KCNT1: variants seen among roughly 807,000 people sequenced by gnomAD.
KCNT1 encodes potassium channel subfamily T member 1.
Under a neutral mutation model 147.8 loss-of-function variants are expected in KCNT1, and 78 were observed. The ratio of observed to expected loss-of-function variants is 0.53; its 90% confidence interval spans 0.44 to 0.64. KCNT1 has a LOEUF of 0.64. Among genes scored for constraint, KCNT1 ranks in the 30% least tolerant of loss-of-function variants. The pLI, the probability that KCNT1 is intolerant of heterozygous loss-of-function variation, is 0.00. For synonymous variants in KCNT1, 867 were observed against 748.8 expected, an observed-to-expected ratio of 1.16 and a Z score of -2.58; for missense variants, 1,419 against 1,750.3, an observed-to-expected ratio of 0.81 and a Z score of 3.38.
chr9:135,750,684 G>GTA, intron 3 of KCNT1: 1 of 572,090 alleles, frequency 1.7e-6, no homozygotes, highest in Non-Finnish European at 3.1e-6. Flanking sequence ...TCCAAGAAGT[G>GTA]GAGTGGCCTC....
chr9:135,738,380 G>T (rs1405432750), intron 2 of KCNT1, among the ~76,000 whole-genome samples: 1 of 152,220 alleles, frequency 6.6e-6, no homozygotes, highest in Non-Finnish European at 1.5e-5. Context: ...CAGGGCTCGC[G>T]CTGAGATGAG....
intron 11 of KCNT1, among the ~76,000 whole-genome samples, chr9:135,761,853 A>T (rs945134188): frequency 2.0e-5 from 3 of 152,198 alleles, no homozygotes; most frequent in Non-Finnish European, 4.4e-5. Context: ...CGGCCCAGCC[A>T]CACGCAGCTC....
chr9:135,707,486 A>G (rs866306042), intron 1 of KCNT1, among the ~76,000 whole-genome samples: 32 of 152,236 alleles, frequency 2.1e-4, no homozygotes, highest in African/African-American at 7.7e-4. Flanking sequence ...CAGCAGCCAC[A>G]GCGTGGCCGG....
rs1208266128 is a variant in KCNT1 at position 135,730,679 on chromosome 9, A to T, written c.254+15959A>T. Among the ~76,000 whole-genome samples the T allele has an allele frequency of 6.6e-6, 1 of 152,084 alleles. No individual in the cohort carries two copies. Among genetic ancestry groups the T allele is most frequent in the African/African-American group, 2.4e-5 (1 of 41,398 alleles). On this transcript the variant is annotated intron_variant, in intron 2 of 30. Coordinates refer to ENST00000371757, the MANE Select transcript of KCNT1 (RefSeq NM_020822.3). This position sits in a 1 kb window ranked among gnomAD's most constrained non-coding sequence, Gnocchi z 4.7. ...AGGCTTGGGATTTCGGACCTCCGGG[A>T]TGGTGTGCTTAAAACACTTGTGTTG...
At chr9:135,724,404 C>A (rs918396998) in intron 2 of KCNT1, among the ~76,000 whole-genome samples, 3 of 152,250 alleles carry the variant, frequency 2.0e-5, no homozygotes, top group African/African-American at 7.2e-5. Flanking sequence ...CCAACGGGGG[C>A]AGGCACAGCC....
intron 24 of KCNT1, among the ~76,000 whole-genome samples, chr9:135,782,933 T>A (rs1833718268): frequency 6.6e-6 from 1 of 152,302 alleles, no homozygotes; most frequent in South Asian, 2.1e-4. Flanking sequence ...CGGCCACTGA[T>A]GAGTAAGGGC....
chr9:135,704,917 C>T (rs1431496247), intron 1 of KCNT1, among the ~76,000 whole-genome samples: 1 of 152,234 alleles, frequency 6.6e-6, no homozygotes, highest in Non-Finnish European at 1.5e-5. Context: ...CAGGGGTCTG[C>T]TGTGGCCCAG....
chr9:135,777,866 C>T (rs1833286782), intron 21 of KCNT1, among the ~76,000 whole-genome samples: 1 of 151,224 alleles, frequency 6.6e-6, no homozygotes, highest in African/African-American at 2.4e-5. Context: ...CCCAGCTCCT[C>T]CCCACTCCCA....
intron 2 of KCNT1, among the ~76,000 whole-genome samples, chr9:135,734,243 C>A (rs1443188840): frequency 6.6e-6 from 1 of 152,196 alleles, no homozygotes; most frequent in Non-Finnish European, 1.5e-5. Flanking sequence ...GCTGGGGACA[C>A]CTCAAGGCTC....
At chr9:135,766,630 GGACCCTCTGGGGTGGATTGTCTGGGGTA>G (rs1452405104) in intron 13 of KCNT1, 3 of 152,886 alleles carry the variant, frequency 2.0e-5, no homozygotes, top group Non-Finnish European at 4.4e-5. Context: ...TGTCTGGGGT[GGACCCTCTGGGGTGGATTGTCTGGGGTA>G]GACTGTCCGG....
chr9:135,750,488 G>A lies in KCNT1; in HGVS notation c.334+311G>A, dbSNP rs570881250. On this transcript the variant is annotated intron_variant, in intron 3 of 30. Coordinates refer to ENST00000371757, the MANE Select transcript of KCNT1 (RefSeq NM_020822.3). Reference sequence around the variant, plus strand: ...CAGGACCATCCATAGGTGCCAGCAAGGTCTCCCCTGTGGCCACGCCCTGCC... The same window carrying A: ...CAGGACCATCCATAGGTGCCAGCAAAGTCTCCCCTGTGGCCACGCCCTGCC... The A allele has an allele frequency of 6.1e-6, 3 of 495,610 alleles. No individual in the cohort carries two copies. In the East Asian group the frequency reaches 1.1e-4, roughly 18 times the overall value. The allele number at this position is 495,610 out of a possible 1,614,324, so 30.7% of individuals were successfully genotyped here.
rs367727105 is a variant in KCNT1 at position 135,786,533 on chromosome 9, C to G, written c.3502+12C>G. On this transcript the variant is annotated intron_variant, in intron 29 of 30. Transcript: ENST00000371757. ...CACCACCGGCTACGGTAAGGGCACA[C>G]GGCGCGGGTGGGGGCCGGACGGACG... 1.3e-6 allele frequency: 2 copies of G among 1,575,516 alleles called. No homozygotes were observed. The highest frequency in any genetic ancestry group is 3.8e-5 in the Admixed American group (2 of 52,176).
rs539313482 is a variant in KCNT1 at position 135,757,414 on chromosome 9, G to C, written c.759+33G>C. Reference sequence around the variant, plus strand: ...GGGGCGGGGGGTGCAGCTGGGACTTGGGGGGGCCACCCTCAGCCTCACCGG... The same window carrying C: ...GGGGCGGGGGGTGCAGCTGGGACTTCGGGGGGCCACCCTCAGCCTCACCGG... On this transcript the variant is annotated intron_variant, in intron 9 of 30. Coordinates refer to ENST00000371757, the MANE Select transcript of KCNT1 (RefSeq NM_020822.3). 8.0e-4 allele frequency: 1,265 copies of C among 1,575,964 alleles called. 1 individual carries two copies. The highest frequency in any genetic ancestry group is 1.0e-3 in the Non-Finnish European group (1,215 of 1,157,436).
At chr9:135,774,759 C>T (rs946593202) in intron 19 of KCNT1, among the ~76,000 whole-genome samples, 2 of 152,104 alleles carry the variant, frequency 1.3e-5, no homozygotes, top group Admixed American at 6.5e-5. Context: ...TGTCCATTTC[C>T]GTGTGCCTGT....
chr9:135,720,774 C>T (rs566911625), intron 2 of KCNT1, among the ~76,000 whole-genome samples: 32 of 152,300 alleles, frequency 2.1e-4, no homozygotes, highest in African/African-American at 6.7e-4. Flanking sequence ...TGCGTGAAGG[C>T]GTGAGTGGCC....
At chr9:135,788,847 T>TC (rs1486959028) in intron 29 of KCNT1, 2 of 152,578 alleles carry the variant, frequency 1.3e-5, no homozygotes, top group Admixed American at 1.3e-4. Flanking sequence ...GCCAGGGTGC[T>TC]CCCAGGGGTC....
rs904907114 is a variant in KCNT1 at position 135,752,636 on chromosome 9, TGGAC to T, written c.435-1289_435-1286del. Among the ~76,000 whole-genome samples the T allele has an allele frequency of 6.0e-5, 9 of 151,120 alleles. No individual in the cohort carries two copies. The highest frequency in any genetic ancestry group is 2.0e-4 in the East Asian group (1 of 5,100). On this transcript the variant is annotated intron_variant, in intron 4 of 30. Coordinates refer to ENST00000371757, the MANE Select transcript of KCNT1 (RefSeq NM_020822.3). The surrounding 1 kb of genome is among the most constrained non-coding windows in gnomAD (Gnocchi z 5.1). ...GGATGGATGGTGGATGATGGATGGA[TGGAC>T]GGACGGACGGATGGACGGATGGATG...
intron 13 of KCNT1, 59 bp downstream of exon 13, chr9:135,765,819 G>A: frequency 1.4e-6 from 2 of 1,466,648 alleles, no homozygotes; most frequent in Non-Finnish European, 9.3e-7. Context: ...CAGGTCGGCT[G>A]CTCAGGGCTG....
intron 18 of KCNT1, among the ~76,000 whole-genome samples, chr9:135,772,272 C>T (rs1450447135): frequency 6.6e-6 from 1 of 152,218 alleles, no homozygotes; most frequent in Non-Finnish European, 1.5e-5. Flanking sequence ...TCCACAACCC[C>T]CATCTGGCAG....
Sources: allele counts gnomAD v4.1 joint callset (sites outside exome capture counted in the v4.1 genomes callset), GRCh38; gene constraint gnomAD v4.1.1; non-coding constraint Gnocchi (gnomAD v3.1); transcripts MANE v1.5; gene names NCBI Gene and HGNC (gene_info 2026-07-23, HGNC 2026-07-21).